PDSS2: variants seen among roughly 807,000 people sequenced by gnomAD.
PDSS2 encodes all trans-polyprenyl-diphosphate synthase PDSS2.
A neutral mutation model predicts 44.5 loss-of-function variants in PDSS2; 31 were observed. The observed-to-expected ratio is 0.70, with a 90% CI of 0.52 to 0.94. PDSS2 has a LOEUF of 0.94. Among genes scored for constraint, PDSS2 ranks in the 40% least tolerant of loss-of-function variants. PDSS2 has a pLI of 0.00. For synonymous variants in PDSS2, 157 were observed against 180.3 expected (o/e 0.87, Z 1.03); for missense variants, 452 against 482.2 (o/e 0.94, Z 0.59).
rs549589177 is a variant in PDSS2 at position 107,289,652 on chromosome 6, T to C, written c.432-15425A>G. On this transcript the variant is annotated intron_variant, in intron 2 of 7. Transcript: ENST00000369037. ...TCGAGGCTGCAGTCAGCCAAGATCA[T>C]GCCACTGCACTCCAGCCTGGGAGAC... Among the ~76,000 whole-genome samples, 166 of 151,988 alleles carry C rather than the reference T, an allele frequency of 1.1e-3. 1 individual carries two copies. Among genetic ancestry groups the C allele is most frequent in the African/African-American group, 3.8e-3 (158 of 41,486 alleles).
chr6:107,322,381 T>C (rs1777407683), intron 2 of PDSS2, among the ~76,000 whole-genome samples: 1 of 151,972 alleles, frequency 6.6e-6, no homozygotes, highest in African/African-American at 2.4e-5. Flanking sequence ...TAGCCGGGCA[T>C]GAAGGCGCAC....
At position 107,153,401 on chromosome 6, in the gene PDSS2, C is replaced by T. The variant is rs1333817577; in HGVS notation, c.*1218G>A. 1 of 152,546 alleles carries T rather than the reference C, an allele frequency of 6.6e-6. No homozygotes were observed. Among genetic ancestry groups the T allele is most frequent in the Non-Finnish European group, 1.5e-5 (1 of 68,028 alleles). The allele number at this position is 152,546 out of a possible 1,614,324, so 9.4% of individuals were successfully genotyped here. A position where few individuals can be genotyped will look rare whatever the true frequency, so the allele number is the denominator to read the frequency against. Reference sequence around the variant, plus strand: ...TTATATTCTTTCTGTAATTGGATGTCTGTGGTTCAAGACCAAAATTTGACA... The same window carrying T: ...TTATATTCTTTCTGTAATTGGATGTTTGTGGTTCAAGACCAAAATTTGACA... On this transcript the variant is annotated 3_prime_UTR_variant, in exon 8 of 8. Transcript: ENST00000369037.
chr6:107,277,778 C>A (rs1233501393), intron 2 of PDSS2, among the ~76,000 whole-genome samples: 3 of 152,172 alleles, frequency 2.0e-5, no homozygotes, highest in Non-Finnish European at 1.5e-5. Context: ...CATGGTGAAA[C>A]CCCGTCTCTA....
chr6:107,374,406 A>G (rs1779220610), intron 1 of PDSS2, among the ~76,000 whole-genome samples: 1 of 152,216 alleles, frequency 6.6e-6, no homozygotes, highest in African/African-American at 2.4e-5. Flanking sequence ...TTTGCTTTTT[A>G]AAGTTTAGCA....
At chr6:107,213,985 T>C (rs1265756550) in intron 4 of PDSS2, among the ~76,000 whole-genome samples, 2 of 152,136 alleles carry the variant, frequency 1.3e-5, no homozygotes, top group Admixed American at 6.6e-5. Context: ...TTCTAGTGGC[T>C]ATATAAAAAA....
At chr6:107,175,257 A>G (rs981582713) in intron 7 of PDSS2, among the ~76,000 whole-genome samples, 3 of 151,490 alleles carry the variant, frequency 2.0e-5, no homozygotes, top group Admixed American at 6.6e-5. Context: ...CTCTATCTGT[A>G]TCTATACCTA....
intron 1 of PDSS2, among the ~76,000 whole-genome samples, chr6:107,422,654 T>G (rs1014308824): frequency 5.9e-5 from 9 of 152,098 alleles, no homozygotes; most frequent in African/African-American, 2.2e-4. Flanking sequence ...TTATTAATTT[T>G]AAAAGCAATT....
intron 2 of PDSS2, among the ~76,000 whole-genome samples, chr6:107,282,305 TG>T (rs1775988816): frequency 6.6e-6 from 1 of 152,206 alleles, no homozygotes; most frequent in Non-Finnish European, 1.5e-5. Context: ...GAATCAGAGT[TG>T]GAAGTGACCC....
chr6:107,204,421 T>A (rs1482499591), intron 6 of PDSS2, among the ~76,000 whole-genome samples: 1 of 152,202 alleles, frequency 6.6e-6, no homozygotes, highest in Non-Finnish European at 1.5e-5. Context: ...GATCTGAACA[T>A]TCATGTACAT....
intron 2 of PDSS2, among the ~76,000 whole-genome samples, chr6:107,324,050 T>C (rs1426509530): frequency 1.3e-5 from 2 of 152,226 alleles, no homozygotes; most frequent in East Asian, 3.8e-4. Flanking sequence ...TAATGACTTC[T>C]GACGTACAGT....
At chr6:107,303,622 CTT>C (rs1776766448) in intron 2 of PDSS2, among the ~76,000 whole-genome samples, 1 of 152,128 alleles carries the variant, frequency 6.6e-6, no homozygotes, top group Non-Finnish European at 1.5e-5. Context: ...AGTTTGAAGA[CTT>C]TTCTATGTCA....
chr6:107,425,519 T>G (rs915778947), intron 1 of PDSS2, among the ~76,000 whole-genome samples: 1 of 152,196 alleles, frequency 6.6e-6, no homozygotes, highest in Admixed American at 6.5e-5. Context: ...CTTGTGGAAC[T>G]GTGAACTAGA....
chr6:107,429,901 AATATATATATATATATATATAT>A lies in PDSS2; in HGVS notation c.296+29067_296+29088del, dbSNP rs869061691. On this transcript the variant is annotated intron_variant, in intron 1 of 7. Transcript: ENST00000369037. ...CTTAGTCTCAAAAAAAAAAAAAAAA[AATATATATATATATATATATAT>A]ATATATATATATATACACCAAACCC... Among the ~76,000 whole-genome samples, 28 of 31,840 alleles carry A rather than the reference AATATATATATATATATATATAT, an allele frequency of 8.8e-4. 1 individual carries two copies. In the East Asian group the frequency reaches 0.054, roughly 61 times the overall value. The allele number at this position is 31,840 out of a possible 152,430, so 20.9% of individuals were successfully genotyped here.
chr6:107,159,697 C>T (rs1003738083), intron 7 of PDSS2, among the ~76,000 whole-genome samples: 2 of 151,788 alleles, frequency 1.3e-5, no homozygotes, highest in African/African-American at 2.4e-5. Context: ...GGATTACAGG[C>T]GTGAGCCACT....
chr6:107,351,021 C>T (rs1300385472), intron 1 of PDSS2, among the ~76,000 whole-genome samples: 1 of 151,592 alleles, frequency 6.6e-6, no homozygotes, highest in Non-Finnish European at 1.5e-5. Flanking sequence ...AGGAATTATA[C>T]ACAAATTAAT....
At chr6:107,280,745 A>T (rs995930063) in intron 2 of PDSS2, among the ~76,000 whole-genome samples, 2 of 152,198 alleles carry the variant, frequency 1.3e-5, no homozygotes, top group Non-Finnish European at 2.9e-5. Flanking sequence ...AATCTCTTCA[A>T]ATGTTTTGCA....
chr6:107,267,458 T>C (rs1775445463), intron 3 of PDSS2, among the ~76,000 whole-genome samples: 1 of 152,210 alleles, frequency 6.6e-6, no homozygotes, highest in Non-Finnish European at 1.5e-5. Flanking sequence ...CCACTCACCT[T>C]CTGTTAACAT....
intron 4 of PDSS2, among the ~76,000 whole-genome samples, chr6:107,217,615 A>G (rs537675273): frequency 6.6e-6 from 1 of 152,310 alleles, no homozygotes; most frequent in African/African-American, 2.4e-5. Context: ...AGGCCTCTCA[A>G]ATATGGCTGG....
chr6:107,433,378 T>A (rs937625843), intron 1 of PDSS2, among the ~76,000 whole-genome samples: 8 of 151,714 alleles, frequency 5.3e-5, no homozygotes, highest in Non-Finnish European at 1.2e-4. Flanking sequence ...TACTACAGAG[T>A]TATTGTAACC....
Sources: allele counts gnomAD v4.1 joint callset (sites outside exome capture counted in the v4.1 genomes callset), GRCh38; gene constraint gnomAD v4.1.1; transcripts MANE v1.5; gene names NCBI Gene and HGNC (gene_info 2026-07-23, HGNC 2026-07-21).